Variants in WWP1 observed in about 807,000 individuals in gnomAD.
WWP1 encodes WW domain containing E3 ubiquitin protein ligase 1.
WWP1 carries 49 observed loss-of-function variants against 130.6 expected under a neutral mutation model. The ratio of observed to expected loss-of-function variants is 0.38; its 90% CI spans 0.30 to 0.48. WWP1 has a LOEUF of 0.48. Ranked by LOEUF, WWP1 falls within the 20% of genes least tolerant of loss-of-function variation. The pLI, the probability that WWP1 is intolerant of heterozygous loss-of-function variation, is 0.99. For synonymous variants in WWP1, 332 were observed against 367.8 expected (o/e 0.90, Z 1.11); for missense variants, 809 against 1,100.6 (o/e 0.74, Z 3.75).
At position 86,364,453 on chromosome 8, in the gene WWP1, C is replaced by T. The variant is rs1823842272; in HGVS notation, c.-114-4486C>T. Among the ~76,000 whole-genome samples, 6 of 152,244 alleles carry T rather than the reference C, an allele frequency of 3.9e-5. No individual in the cohort carries two copies. In the South Asian group the frequency reaches 1.2e-3, roughly 32 times the overall value. Reference sequence around the variant, plus strand: ...AAGAATATGTTTTGCTTACATTATACATGTTAATGAGAGGTAAATTTTGAG... The same window carrying T: ...AAGAATATGTTTTGCTTACATTATATATGTTAATGAGAGGTAAATTTTGAG... On this transcript the variant is annotated intron_variant, in intron 1 of 24. Coordinates refer to ENST00000517970, the MANE Select transcript of WWP1 (RefSeq NM_007013.4).
At chr8:86,389,439 T>TA (rs1825486794) in intron 5 of WWP1, among the ~76,000 whole-genome samples, 1 of 152,214 alleles carries the variant, frequency 6.6e-6, no homozygotes, top group African/African-American at 2.4e-5. Context: ...CCTGAGTGGA[T>TA]ACAGCACATG....
intron 1 of WWP1, among the ~76,000 whole-genome samples, chr8:86,360,501 C>T (rs943599484): frequency 5.9e-5 from 9 of 152,220 alleles, no homozygotes; most frequent in Non-Finnish European, 1.3e-4. Context: ...GTTCTGCCCC[C>T]TATGCAGTAG....
At chr8:86,392,999 A>AT (rs1321800337) in intron 5 of WWP1, among the ~76,000 whole-genome samples, 2 of 151,188 alleles carry the variant, frequency 1.3e-5, no homozygotes, top group Non-Finnish European at 3.0e-5. Context: ...ACATTATTAG[A>AT]TAAAAAAATG....
At chr8:86,391,684 G>A (rs770278776) in intron 5 of WWP1, among the ~76,000 whole-genome samples, 2 of 152,056 alleles carry the variant, frequency 1.3e-5, no homozygotes, top group Non-Finnish European at 2.9e-5. Flanking sequence ...GGAGAATGAA[G>A]GAGTGGGGGT....
At chr8:86,463,859 G>A (rs765648415) in intron 24 of WWP1, among the ~76,000 whole-genome samples, 11 of 151,718 alleles carry the variant, frequency 7.3e-5, no homozygotes, top group Non-Finnish European at 1.6e-4. Flanking sequence ...TCAGGAGTTC[G>A]AGACCAGCCT....
At chr8:86,437,400 A>G (rs1358010009) in intron 16 of WWP1, among the ~76,000 whole-genome samples, 3 of 152,258 alleles carry the variant, frequency 2.0e-5, no homozygotes, top group African/African-American at 4.8e-5. Flanking sequence ...AATGTGTGGT[A>G]TAAACAGGAT....
chr8:86,383,496 C>T (rs140563499), intron 5 of WWP1, among the ~76,000 whole-genome samples: 22,390 of 152,204 alleles, frequency 0.15, 1,795 homozygotes, highest in Non-Finnish European at 0.19. Flanking sequence ...AATCCCACCA[C>T]TTTGGGAGGC....
At chr8:86,355,714 G>T (rs754692802) in intron 1 of WWP1, among the ~76,000 whole-genome samples, 4 of 152,010 alleles carry the variant, frequency 2.6e-5, no homozygotes, top group Non-Finnish European at 5.9e-5. Flanking sequence ...ATCTTTTTAC[G>T]ATTAATTGTT....
intron 17 of WWP1, among the ~76,000 whole-genome samples, chr8:86,440,469 C>T (rs1430495698): frequency 1.3e-5 from 2 of 152,112 alleles, no homozygotes; most frequent in East Asian, 3.9e-4. Context: ...TTCCAATACT[C>T]AGACATTGCT....
At chr8:86,427,612 ATTATTGT>A (rs1486627864) in intron 10 of WWP1, 24 bp from the exon 11 acceptor site, 1 of 1,534,770 alleles carries the variant, frequency 6.5e-7, no homozygotes, top group East Asian at 2.3e-5. Flanking sequence ...ATATTGAGAG[ATTATTGT>A]TTATTATTGT....
chr8:86,427,549 TCTTGAA>T, intron 10 of WWP1, 88 bp from the exon 11 acceptor site: 2 of 1,323,792 alleles, frequency 1.5e-6, no homozygotes, highest in Admixed American at 4.6e-5. Flanking sequence ...TTTTAACATG[TCTTGAA>T]CTTGATATTT....
chr8:86,342,751 T>A lies in WWP1; in HGVS notation c.-294T>A, dbSNP rs1413729472. ...GGGTCGGGTGTCGGCGAGCTCCGCG[T>A]GCGGGTTCCGAGTGGCTGCTGGCGG... On this transcript the variant is annotated 5_prime_UTR_variant, in exon 1 of 25. Coordinates refer to ENST00000517970, the MANE Select transcript of WWP1 (RefSeq NM_007013.4). The A allele has an allele frequency of 8.4e-6, 3 of 355,218 alleles. No individual in the cohort carries two copies. The highest frequency in any genetic ancestry group is 1.5e-5 in the Non-Finnish European group (3 of 198,732). The allele number at this position is 355,218 out of a possible 1,614,324, so 22.0% of individuals were successfully genotyped here. A position where few individuals can be genotyped will look rare whatever the true frequency, so the allele number is the denominator to read the frequency against.
At chr8:86,359,147 T>C (rs1823422206) in intron 1 of WWP1, among the ~76,000 whole-genome samples, 1 of 152,208 alleles carries the variant, frequency 6.6e-6, no homozygotes, top group Non-Finnish European at 1.5e-5. Flanking sequence ...TATGTGTGAA[T>C]AGTGAACTTT....
chr8:86,359,079 GTCCC>G (rs1238729705), intron 1 of WWP1, among the ~76,000 whole-genome samples: 1 of 152,170 alleles, frequency 6.6e-6, no homozygotes, highest in African/African-American at 2.4e-5. Context: ...GCCCAACACA[GTCCC>G]CAGGTGATTC....
intron 2 of WWP1, among the ~76,000 whole-genome samples, chr8:86,370,798 A>ACT (rs956557356): frequency 1.1e-4 from 16 of 142,808 alleles, no homozygotes; most frequent in African/African-American, 4.2e-4. Flanking sequence ...TTTCTTTTCT[A>ACT]CTTACTTGTT....
chr8:86,464,912 TGCGC>T (rs1281838396), intron 24 of WWP1, among the ~76,000 whole-genome samples: 1 of 137,668 alleles, frequency 7.3e-6, no homozygotes, highest in African/African-American at 2.5e-5. Flanking sequence ...TATACACACA[TGCGC>T]GCGCGTGTGT....
At position 86,402,029 on chromosome 8, in the gene WWP1, GA is replaced by G; in HGVS notation, c.552del (p.Gly185AlafsTer5). On this transcript the variant is annotated frameshift_variant, in exon 8 of 25. Transcript: ENST00000517970. LOFTEE classifies it high-confidence loss of function. ...CATTTTTTTTTCAAGGTTGGCTGTT[GA>G]AGGCACGAATGGAATAGATAATCAT... is the stretch of plus-strand genomic sequence containing the variant. Reference protein sequence around the residue: ...SARTTARLAVEGTNGIDNHVP... With the variant: ...SARTTARLAVXGTNGIDNHVP... 6.4e-7 allele frequency: 1 copy of G among 1,566,674 alleles called. No individual in the cohort carries two copies. The highest frequency in any genetic ancestry group is 8.7e-7 in the Non-Finnish European group (1 of 1,155,136).
Position 86,398,615 on chromosome 8 carries a change from G to A in WWP1, c.516G>A (p.Glu172=), listed in dbSNP as rs750015761. 2.5e-6 allele frequency: 4 copies of A among 1,612,314 alleles called. No individual in the cohort carries two copies. In the African/African-American group the frequency reaches 4.0e-5, roughly 16 times the overall value. ...GTGATGCCTTACATGAAAATGGAGAGCCTTCAGCAAGGACAACTGCCAGGT... is the reference window on the plus strand; with the variant it reads ...GTGATGCCTTACATGAAAATGGAGAACCTTCAGCAAGGACAACTGCCAGGT... The part of the protein sequence containing the change: ...ENGDALHENG[E]PSARTTARLA... The change falls in exon 7 of 25, where the codon GAG becomes GAA. Residue 172 remains glutamate (E), a synonymous_variant. Transcript: ENST00000517970.
chr8:86,435,350 C>T, intron 14 of WWP1, 102 bp from the exon 15 acceptor site: 2 of 1,207,364 alleles, frequency 1.7e-6, no homozygotes, highest in Admixed American at 4.1e-5. Context: ...AGAAATCTTC[C>T]TGTGGTATTT....
Sources: gnomAD v4.1 joint callset for allele counts (sites outside exome capture counted in the v4.1 genomes callset) on GRCh38, gnomAD v4.1.1 for gene constraint, MANE v1.5 for transcripts, NCBI Gene and HGNC (gene_info 2026-07-23, HGNC 2026-07-21) for gene names.